The following GSN variants were observed in gnomAD, a reference collection of about 807,000 sequenced individuals.
GSN encodes the protein actin-depolymerizing factor.
A neutral mutation model predicts 85.7 loss-of-function variants in GSN; 56 were observed. The ratio of observed to expected loss-of-function variants is 0.65; its 90% CI spans 0.53 to 0.82. The LOEUF is 0.82. Among genes scored for constraint, GSN ranks in the 40% least tolerant of loss-of-function variants. The pLI is 0.00. For missense variants in GSN, 857 were observed against 979.8 expected, an observed-to-expected ratio of 0.87 and a Z score of 1.67; for synonymous variants, 373 against 399.1, an observed-to-expected ratio of 0.93 and a Z score of 0.78.
At chr9:121,220,037 GC>G (rs1437138328) in intron 4 of GSN, among the ~76,000 whole-genome samples, 1 of 152,156 alleles carries the variant, frequency 6.6e-6, no homozygotes, top group Admixed American at 6.5e-5. Flanking sequence ...ATGCGCCACT[GC>G]GCCTGGCTAA....
chr9:121,320,189 AGGACTT>A (rs1225555493), intron 10 of GSN, among the ~76,000 whole-genome samples: 5 of 152,180 alleles, frequency 3.3e-5, no homozygotes, highest in Non-Finnish European at 7.4e-5. Context: ...TCTGTTTCCC[AGGACTT>A]GGACGACTCC....
chr9:121,224,167 G>A (rs2054227374), intron 4 of GSN, among the ~76,000 whole-genome samples: 1 of 151,874 alleles, frequency 6.6e-6, no homozygotes, highest in South Asian at 2.1e-4. Context: ...TGCGATCTTG[G>A]CTCACTGCAA....
intron 2 of GSN, among the ~76,000 whole-genome samples, chr9:121,298,986 A>G (rs3761855): frequency 0.037 from 5,706 of 152,232 alleles, 304 homozygotes; most frequent in Admixed American, 0.14. Context: ...ATGGAAACCA[A>G]ACAAAACAAC....
chr9:121,302,584 C>A (rs554349264), intron 3 of GSN, among the ~76,000 whole-genome samples: 3 of 152,276 alleles, frequency 2.0e-5, no homozygotes, highest in African/African-American at 7.2e-5. Context: ...ACACCTCTGC[C>A]GTGGGATGCT....
At chr9:121,265,180 C>T, upstream of GSN, 1 of 152,248 alleles carries the variant, frequency 6.6e-6, no homozygotes, top group Non-Finnish European at 1.5e-5. Flanking sequence ...ATTCGATGCT[C>T]AACAAATACT....
chr9:121,315,017 C>G (rs1589096843), intron 7 of GSN, among the ~76,000 whole-genome samples: 2 of 152,194 alleles, frequency 1.3e-5, no homozygotes, highest in South Asian at 4.1e-4. Flanking sequence ...TACGCCACCA[C>G]GCCCAGCTAA....
At chr9:121,260,484 T>C (rs1260476328) in intron 6 of GSN, among the ~76,000 whole-genome samples, 1 of 152,228 alleles carries the variant, frequency 6.6e-6, no homozygotes, top group Non-Finnish European at 1.5e-5. Flanking sequence ...GAGCTAACGT[T>C]TTGAAAGGCA....
At chr9:121,204,193 G>T (rs898879212), upstream of GSN, among the ~76,000 whole-genome samples, 2 of 152,118 alleles carry the variant, frequency 1.3e-5, no homozygotes, top group Non-Finnish European at 2.9e-5. Flanking sequence ...TACCACATCC[G>T]CATGAAGTCA....
intron 13 of GSN, chr9:121,327,037 T>C: frequency 4.5e-6 from 3 of 665,494 alleles, no homozygotes; most frequent in Non-Finnish European, 8.3e-6. Context: ...TAGAGGGGAA[T>C]GGGACTCTCA....
intron 1 of GSN, among the ~76,000 whole-genome samples, chr9:121,273,991 T>C (rs1249455865): frequency 1.3e-5 from 2 of 152,172 alleles, no homozygotes; most frequent in Non-Finnish European, 2.9e-5. Flanking sequence ...AAACTTCTGG[T>C]GAAAAGGTTG....
chr9:121,282,403 C>A (rs1211843474), intron 2 of GSN: 3 of 997,474 alleles, frequency 3.0e-6, no homozygotes, highest in Non-Finnish European at 4.1e-6. Flanking sequence ...CAGGAAAACA[C>A]CCCTCCAACC....
chr9:121,287,981 C>T (rs12340458), intron 2 of GSN, among the ~76,000 whole-genome samples: 9,126 of 152,126 alleles, frequency 0.06, 566 homozygotes, highest in Admixed American at 0.14. Flanking sequence ...GGCTGGAGTG[C>T]AGTGGCGTGA....
chr9:121,287,242 G>C (rs563213400), intron 2 of GSN, among the ~76,000 whole-genome samples: 14 of 152,150 alleles, frequency 9.2e-5, no homozygotes, highest in African/African-American at 3.4e-4. Context: ...CTGAGGACAG[G>C]GGGAGGAGTG....
intron 5 of GSN, chr9:121,311,077 C>G (rs2061073198): frequency 1.7e-6 from 1 of 576,020 alleles, no homozygotes; most frequent in East Asian, 3.0e-5. Context: ...CTGGCACCTT[C>G]TGTTCATATG....
chr9:121,286,641 G>T, intron 2 of GSN: 1 of 1,532,596 alleles, frequency 6.5e-7, no homozygotes, highest in South Asian at 1.2e-5. Context: ...GTTCCTGTTT[G>T]TGTGCCCTCT....
At chr9:121,206,720 GA>G (rs978546555), upstream of GSN, among the ~76,000 whole-genome samples, 188 of 143,072 alleles carry the variant, frequency 1.3e-3, no homozygotes, top group Middle Eastern at 3.6e-3. Flanking sequence ...CATGTTACAT[GA>G]AAAAAAAAAA....
upstream of GSN, among the ~76,000 whole-genome samples, chr9:121,204,528 C>T (rs1479672515): frequency 2.6e-5 from 4 of 152,160 alleles, no homozygotes; most frequent in African/African-American, 4.8e-5. Flanking sequence ...TTTAATAAGT[C>T]CCAGAATTTT....
At chr9:121,286,815 G>A in intron 2 of GSN, 10 of 1,401,408 alleles carry the variant, frequency 7.1e-6, no homozygotes, top group Non-Finnish European at 8.8e-6. Flanking sequence ...GGACTTCAGA[G>A]TCAGACAGCC....
chr9:121,240,845 A>G (rs1260204221), intron 5 of GSN, among the ~76,000 whole-genome samples: 2 of 152,244 alleles, frequency 1.3e-5, no homozygotes, highest in African/African-American at 4.8e-5. Flanking sequence ...TCTAAATGTT[A>G]TGGCACTTAA....
Sources: allele counts gnomAD v4.1 joint callset (sites outside exome capture counted in the v4.1 genomes callset), GRCh38; gene constraint gnomAD v4.1.1; transcripts MANE v1.5; gene names NCBI Gene and HGNC (gene_info 2026-07-23, HGNC 2026-07-21).